The following ZNF521 variants were observed in gnomAD, a reference collection of about 807,000 sequenced individuals.
The protein encoded by ZNF521 is zinc finger protein 521, also known as LYST-interacting protein 3.
Under a neutral mutation model 105.5 loss-of-function variants are expected in ZNF521, and 14 were observed. That is an observed-to-expected ratio of 0.13 (90% CI 0.09 to 0.21). ZNF521 has a LOEUF of 0.21. Ranked by LOEUF, ZNF521 falls within the 10% of genes least tolerant of loss-of-function variation. The probability of loss-of-function intolerance (pLI) is 1.00; values close to 1 mark genes in which losing one functional copy is unlikely to be tolerated. For missense variants in ZNF521, 1,233 were observed against 1,629.7 expected, an observed-to-expected ratio of 0.76 and a Z score of 4.19; for synonymous variants, 635 against 606.0, an observed-to-expected ratio of 1.05 and a Z score of -0.70.
At chr18:25,297,014 C>T (rs77339970) in intron 3 of ZNF521, among the ~76,000 whole-genome samples, 10,333 of 151,822 alleles carry the variant, frequency 0.068, 692 homozygotes, top group African/African-American at 0.18. Flanking sequence ...TGTGTGGTCA[C>T]CCCATAAATT....
chr18:25,121,023 T>G (rs1275076595), intron 5 of ZNF521, among the ~76,000 whole-genome samples: 4 of 152,120 alleles, frequency 2.6e-5, no homozygotes, highest in African/African-American at 9.7e-5. Context: ...GGTCAAGAAG[T>G]TTTTGGAGAA....
intron 5 of ZNF521, among the ~76,000 whole-genome samples, chr18:25,117,024 T>G (rs2034335620): frequency 8.2e-6 from 1 of 122,508 alleles, no homozygotes; most frequent in African/African-American, 3.2e-5. Context: ...CACACATATA[T>G]ATATACATAC....
At chr18:25,064,215 A>G (rs752589334) in intron 7 of ZNF521, among the ~76,000 whole-genome samples, 5 of 152,250 alleles carry the variant, frequency 3.3e-5, no homozygotes, top group Non-Finnish European at 5.9e-5. Flanking sequence ...AAAGAAGGTC[A>G]TGTGGGTACA....
At chr18:25,274,794 G>T (rs1568049344) in intron 3 of ZNF521, among the ~76,000 whole-genome samples, 2 of 152,182 alleles carry the variant, frequency 1.3e-5, no homozygotes, top group Non-Finnish European at 2.9e-5. Flanking sequence ...GGATGGGAGA[G>T]TTGTCATTTG....
chr18:25,075,025 A>G (rs190751772), intron 7 of ZNF521, among the ~76,000 whole-genome samples: 2 of 152,314 alleles, frequency 1.3e-5, no homozygotes, highest in East Asian at 3.9e-4. Context: ...ATGATCCTGA[A>G]AGAAAGACAG....
intron 5 of ZNF521, among the ~76,000 whole-genome samples, chr18:25,156,654 G>C (rs992821854): frequency 2.0e-5 from 3 of 152,034 alleles, no homozygotes; most frequent in African/African-American, 7.2e-5. Context: ...AAGGCTACTA[G>C]TACCCCATAT....
intron 3 of ZNF521, among the ~76,000 whole-genome samples, chr18:25,318,991 A>G (rs1396945122): frequency 6.6e-6 from 1 of 152,024 alleles, no homozygotes; most frequent in Non-Finnish European, 1.5e-5. Flanking sequence ...TTGCTGGCTG[A>G]TTGCAGGACT....
intron 3 of ZNF521, among the ~76,000 whole-genome samples, chr18:25,228,494 T>C (rs945223068): frequency 6.6e-6 from 1 of 152,206 alleles, no homozygotes; most frequent in Non-Finnish European, 1.5e-5. Flanking sequence ...ATTTTAATAG[T>C]GTATTTTGTT....
chr18:25,311,465 C>A (rs1289497461), intron 3 of ZNF521, among the ~76,000 whole-genome samples: 1 of 151,830 alleles, frequency 6.6e-6, no homozygotes, highest in Non-Finnish European at 1.5e-5. Context: ...GGTAGCAGAG[C>A]CCTTATGTGC....
At chr18:25,140,806 A>G (rs2034832871) in intron 5 of ZNF521, among the ~76,000 whole-genome samples, 1 of 152,200 alleles carries the variant, frequency 6.6e-6, no homozygotes, top group South Asian at 2.1e-4. Flanking sequence ...CAAAGTGCAC[A>G]TACAACTGTG....
At position 25,061,953 on chromosome 18, in the gene ZNF521, T is replaced by C. The variant is rs1244746202; in HGVS notation, c.*759A>G. On this transcript the variant is annotated 3_prime_UTR_variant, in exon 8 of 8. Transcript: ENST00000361524. ...ATGGTAAACTGAATTTATTTCCTCT[T>C]GGAAAACAATTCCAGTAATCTCCAG... 2 of 181,700 alleles carry C rather than the reference T, an allele frequency of 1.1e-5. No homozygotes were observed. Among genetic ancestry groups the C allele is most frequent in the African/African-American group, 4.7e-5 (2 of 42,464 alleles). 11.3% of individuals were successfully genotyped at this position (181,700 alleles called of 1,614,324 possible). A position where few individuals can be genotyped will look rare whatever the true frequency, so the allele number is the denominator to read the frequency against.
chr18:25,344,106 C>G (rs1346224504), intron 2 of ZNF521, among the ~76,000 whole-genome samples: 1 of 151,206 alleles, frequency 6.6e-6, no homozygotes, highest in Admixed American at 6.6e-5. Context: ...GAATTTCTTT[C>G]ATCTCTAATA....
chr18:25,223,895 AC>A, intron 4 of ZNF521: 1 of 229,066 alleles, frequency 4.4e-6, no homozygotes, highest in Non-Finnish European at 8.6e-6. Context: ...TTAAAAAGCC[AC>A]CCCTACCCAA....
At chr18:25,092,458 A>C (rs4459628) in intron 5 of ZNF521, among the ~76,000 whole-genome samples, 111,946 of 152,020 alleles carry the variant, frequency 0.74, 41,628 homozygotes, top group Middle Eastern at 0.77. Flanking sequence ...CAGTGATTCT[A>C]CTCTGGCTTA....
intron 3 of ZNF521, among the ~76,000 whole-genome samples, chr18:25,306,854 GA>G (rs11445167): frequency 6.9e-6 from 1 of 145,500 alleles, no homozygotes; most frequent in African/African-American, 2.5e-5. Context: ...CACAATTCAA[GA>G]AAAAAAAAAA....
intron 7 of ZNF521, among the ~76,000 whole-genome samples, chr18:25,080,998 G>A (rs2033481358): frequency 6.6e-6 from 1 of 152,230 alleles, no homozygotes; most frequent in Non-Finnish European, 1.5e-5. Context: ...AGTCACACAT[G>A]CAGTCTTTCC....
chr18:25,078,278 G>A (rs1363552979), intron 7 of ZNF521, among the ~76,000 whole-genome samples: 1 of 152,220 alleles, frequency 6.6e-6, no homozygotes, highest in Non-Finnish European at 1.5e-5. Flanking sequence ...AATTTCACCT[G>A]TCATGGAGTT....
intron 7 of ZNF521, among the ~76,000 whole-genome samples, chr18:25,078,580 C>T (rs1367924733): frequency 6.6e-6 from 1 of 152,192 alleles, no homozygotes; most frequent in Non-Finnish European, 1.5e-5. Context: ...AGTTCTAAAG[C>T]CCCTTTGGAA....
chr18:25,145,267 C>T (rs1313766101), intron 5 of ZNF521, among the ~76,000 whole-genome samples: 1 of 152,142 alleles, frequency 6.6e-6, no homozygotes, highest in Admixed American at 6.6e-5. Flanking sequence ...TGCCATTTCT[C>T]CCCCTCTTTA....
Sources: gnomAD v4.1 joint callset for allele counts (sites outside exome capture counted in the v4.1 genomes callset) on GRCh38, gnomAD v4.1.1 for gene constraint, MANE v1.5 for transcripts, NCBI Gene and HGNC (gene_info 2026-07-23, HGNC 2026-07-21) for gene names.